Variants in AUTS2 observed in about 807,000 individuals in gnomAD.
AUTS2 encodes activator of transcription and developmental regulator AUTS2.
In AUTS2, 17 loss-of-function variants were observed where a neutral mutation model predicts 112.4. The ratio of observed to expected loss-of-function variants is 0.15; its 90% CI spans 0.10 to 0.23. The LOEUF is 0.23. Among genes scored for constraint, AUTS2 ranks in the 10% least tolerant of loss-of-function variants. The pLI is 1.00. For synonymous variants in AUTS2, 751 were observed against 702.7 expected (o/e 1.07, Z -1.09); for missense variants, 1,510 against 1,701.6 (o/e 0.89, Z 1.98).
At chr7:69,602,602 C>T (rs1259613625) in intron 1 of AUTS2, among the ~76,000 whole-genome samples, 2 of 152,130 alleles carry the variant, frequency 1.3e-5, no homozygotes, top group Non-Finnish European at 2.9e-5. Flanking sequence ...CTGTATGAAT[C>T]CCTAAACCAT....
intron 2 of AUTS2, among the ~76,000 whole-genome samples, chr7:69,962,791 AAGAG>A (rs778594767): frequency 4.6e-5 from 7 of 151,952 alleles, no homozygotes; most frequent in African/African-American, 1.7e-4. Context: ...AGGGCTGAAA[AAGAG>A]AGAGAAAGTC....
chr7:70,069,972 C>A (rs1243549189), intron 2 of AUTS2, among the ~76,000 whole-genome samples: 3 of 152,042 alleles, frequency 2.0e-5, no homozygotes, highest in African/African-American at 7.2e-5. Context: ...GAAGTGAGAG[C>A]AGGTCAGTAT....
At chr7:70,276,064 A>G (rs762106981) in intron 4 of AUTS2, among the ~76,000 whole-genome samples, 14 of 152,110 alleles carry the variant, frequency 9.2e-5, no homozygotes, top group Non-Finnish European at 1.9e-4. Context: ...CCTCTGTTTC[A>G]GTTTCAGATT....
At chr7:70,695,961 G>C (rs1160629343) in intron 5 of AUTS2, among the ~76,000 whole-genome samples, 1 of 152,174 alleles carries the variant, frequency 6.6e-6, no homozygotes, top group African/African-American at 2.4e-5. Flanking sequence ...CCGTGTTCGA[G>C]AGAAGGAAGA....
At chr7:70,630,253 G>A (rs560658183) in intron 5 of AUTS2, among the ~76,000 whole-genome samples, 5 of 151,798 alleles carry the variant, frequency 3.3e-5, no homozygotes, top group East Asian at 3.9e-4. Context: ...TGGAGGGCCC[G>A]GTCATCAATA....
intron 5 of AUTS2, among the ~76,000 whole-genome samples, chr7:70,669,117 A>G (rs1448960667): frequency 6.6e-6 from 1 of 152,198 alleles, no homozygotes; most frequent in African/African-American, 2.4e-5. Context: ...CCGCTGTCTC[A>G]CTAAGAGCCA....
At chr7:70,269,061 A>G (rs1584953708) in intron 4 of AUTS2, among the ~76,000 whole-genome samples, 1 of 152,288 alleles carries the variant, frequency 6.6e-6, no homozygotes, top group Non-Finnish European at 1.5e-5. Flanking sequence ...CTGTTCTTCA[A>G]TAATGTTATA....
Position 70,539,588 on chromosome 7 carries a change from C to T in AUTS2, c.690+103807C>T, listed in dbSNP as rs147707419. Among the ~76,000 whole-genome samples the T allele has an allele frequency of 1.4e-3, 206 of 152,236 alleles. 1 individual carries two copies. Among genetic ancestry groups the T allele is most frequent in the Non-Finnish European group, 1.7e-3 (117 of 68,020 alleles). ...GATTGAAAACAAGCCATTTCCTACT[C>T]CCATTTCAAGCAAATTTTGGTCCAA... is the stretch of plus-strand genomic sequence containing the variant. On this transcript the variant is annotated intron_variant, in intron 5 of 18. Coordinates refer to ENST00000342771, the MANE Select transcript of AUTS2 (RefSeq NM_015570.4).
At chr7:70,078,313 A>C (rs1256392633) in intron 2 of AUTS2, among the ~76,000 whole-genome samples, 1 of 152,170 alleles carries the variant, frequency 6.6e-6, no homozygotes, top group Non-Finnish European at 1.5e-5. Flanking sequence ...GATGATTCTC[A>C]TCCTGGGTGG....
intron 4 of AUTS2, among the ~76,000 whole-genome samples, chr7:70,365,395 A>G (rs527544224): frequency 6.6e-6 from 1 of 152,358 alleles, no homozygotes; most frequent in East Asian, 1.9e-4. Context: ...AGCTCAGAAC[A>G]GATGGAGAAA....
intron 4 of AUTS2, among the ~76,000 whole-genome samples, chr7:70,255,073 C>CGTT (rs1389428947): frequency 7.6e-6 from 1 of 130,844 alleles, no homozygotes; most frequent in East Asian, 2.3e-4. Flanking sequence ...CTCAAAATTA[C>CGTT]CTTTTTTTTT....
chr7:70,100,148 ATC>A (rs1234458778), intron 2 of AUTS2, among the ~76,000 whole-genome samples: 2 of 152,222 alleles, frequency 1.3e-5, no homozygotes, highest in Non-Finnish European at 2.9e-5. Flanking sequence ...ATAATGCTGT[ATC>A]TCTTATTCAA....
chr7:70,136,027 G>C (rs1436571019), intron 4 of AUTS2, among the ~76,000 whole-genome samples: 2 of 151,294 alleles, frequency 1.3e-5, no homozygotes, highest in Non-Finnish European at 2.9e-5. Context: ...TTTTTTTATT[G>C]TCAGTAGGAT....
chr7:70,485,878 A>G (rs1210585683), intron 5 of AUTS2, among the ~76,000 whole-genome samples: 1 of 152,138 alleles, frequency 6.6e-6, no homozygotes, highest in Non-Finnish European at 1.5e-5. Flanking sequence ...TTCCTCCAGG[A>G]AGGAGACCTG....
intron 1 of AUTS2, among the ~76,000 whole-genome samples, chr7:69,876,796 T>C (rs770611304): frequency 6.6e-6 from 1 of 152,022 alleles, no homozygotes; most frequent in African/African-American, 2.4e-5. Flanking sequence ...CTGTGGCAAC[T>C]TTGAACTTCC....
At chr7:70,223,061 G>A (rs1418176612) in intron 4 of AUTS2, among the ~76,000 whole-genome samples, 2 of 151,802 alleles carry the variant, frequency 1.3e-5, no homozygotes, top group African/African-American at 4.8e-5. Context: ...CTAATTTTTT[G>A]TATTTTTAGT....
chr7:70,063,747 C>T lies in AUTS2; in HGVS notation c.523-54385C>T, dbSNP rs889511923. ...ATTTGTAAACTTGAAAAGAACACCG[C>T]GAAAAGAGCTCAGGATCCTGCTCAG... is the stretch of plus-strand genomic sequence containing the variant. On this transcript the variant is annotated intron_variant, in intron 2 of 18. Transcript: ENST00000342771. 3.9e-5 allele frequency among the ~76,000 whole-genome samples: 6 copies of T among 152,210 alleles called. No individual in the cohort carries two copies. In the South Asian group the frequency reaches 6.2e-4, roughly 16 times the overall value.
chr7:70,061,183 G>A (rs921811137), intron 2 of AUTS2, among the ~76,000 whole-genome samples: 1 of 152,140 alleles, frequency 6.6e-6, no homozygotes, highest in Admixed American at 6.5e-5. Flanking sequence ...GGAAATAATA[G>A]ATTCTTGTTT....
At chr7:69,713,443 C>G (rs988207761) in intron 1 of AUTS2, among the ~76,000 whole-genome samples, 1 of 150,816 alleles carries the variant, frequency 6.6e-6, no homozygotes, top group Non-Finnish European at 1.5e-5. Context: ...TCAGTAACTA[C>G]TATTCTGCTT....
Sources: allele counts gnomAD v4.1 joint callset (sites outside exome capture counted in the v4.1 genomes callset), GRCh38; gene constraint gnomAD v4.1.1; transcripts MANE v1.5; gene names NCBI Gene and HGNC (gene_info 2026-07-23, HGNC 2026-07-21).